Variants in ABAT observed in about 807,000 individuals in gnomAD.
ABAT encodes the protein 4-aminobutyrate aminotransferase, mitochondrial.
In ABAT, 45 loss-of-function variants were observed where a neutral mutation model predicts 64.6. The ratio of observed to expected loss-of-function variants is 0.70; its 90% CI spans 0.55 to 0.89. ABAT has a LOEUF of 0.89. Among genes scored for constraint, ABAT ranks in the 40% least tolerant of loss-of-function variants. The pLI is 0.00. For synonymous variants in ABAT, 297 were observed against 250.5 expected (o/e 1.19, Z -1.75); for missense variants, 633 against 658.4 (o/e 0.96, Z 0.42).
intron 2 of ABAT, among the ~76,000 whole-genome samples, chr16:8,743,748 T>A (rs1426872726): frequency 5.3e-5 from 8 of 149,702 alleles, no homozygotes; most frequent in Non-Finnish European, 4.4e-5. Flanking sequence ...ATTATATATA[T>A]GAAGATGAAA....
rs1247672824 is a variant in ABAT at position 8,783,412 on chromosome 16, T to C, written c.*1982T>C. The C allele has an allele frequency of 6.6e-6, 1 of 152,078 alleles. No individual in the cohort carries two copies. Among genetic ancestry groups the C allele is most frequent in the African/African-American group, 2.4e-5 (1 of 41,402 alleles). The allele number at this position is 152,078 out of a possible 1,614,324, so 9.4% of individuals were successfully genotyped here. The stretch of plus-strand genomic sequence containing the variant: ...CAGGAAATCGGATGGAGAACCACCA[T>C]TCACCCAAGGGTCAGAGGAGGTTTC... On this transcript the variant is annotated 3_prime_UTR_variant, in exon 16 of 16. Coordinates refer to ENST00000268251, the MANE Select transcript of ABAT (RefSeq NM_020686.6).
chr16:8,745,067 C>T (rs1323876189), intron 2 of ABAT, among the ~76,000 whole-genome samples: 2 of 152,082 alleles, frequency 1.3e-5, no homozygotes, highest in Admixed American at 6.6e-5. Context: ...ACTGCAGCCT[C>T]AACCTCTCAG....
At chr16:8,729,999 G>A (rs1033499273) in intron 1 of ABAT, among the ~76,000 whole-genome samples, 11 of 152,108 alleles carry the variant, frequency 7.2e-5, no homozygotes, top group African/African-American at 2.4e-4. Context: ...GAAGTGCAGA[G>A]CAGACACCCC....
chr16:8,710,715 A>AGGGAGAGG lies in ABAT; in HGVS notation c.-41-24983_-41-24982insGGAGAGGG, dbSNP rs1567279199. On this transcript the variant is annotated intron_variant, in intron 1 of 15. Transcript: ENST00000268251. ...GAGACAGAGAGAGAGAGAGAGAGAG[A>AGGGAGAGG]GAGAGAGAGAGAGAGGAAATAGGCT... Among the ~76,000 whole-genome samples the AGGGAGAGG allele has an allele frequency of 4.7e-5, 6 of 127,666 alleles. No homozygotes were observed. The East Asian group carries it at 1.4e-3, about 30-fold the overall frequency. The allele number at this position is 127,666 out of a possible 152,430, so 83.8% of individuals were successfully genotyped here.
chr16:8,718,536 G>A (rs926934725), intron 1 of ABAT, among the ~76,000 whole-genome samples: 1 of 152,138 alleles, frequency 6.6e-6, no homozygotes, highest in African/African-American at 2.4e-5. Context: ...AATTCAACAA[G>A]TGTTTTTGAG....
At chr16:8,690,536 T>A (rs1253248781) in intron 1 of ABAT, among the ~76,000 whole-genome samples, 1 of 152,220 alleles carries the variant, frequency 6.6e-6, no homozygotes, top group African/African-American at 2.4e-5. Context: ...TCATCAGGAA[T>A]TTTACGTACA....
intron 4 of ABAT, among the ~76,000 whole-genome samples, chr16:8,749,555 T>C (rs1290315077): frequency 6.6e-6 from 1 of 150,904 alleles, no homozygotes; most frequent in Non-Finnish European, 1.5e-5. Flanking sequence ...CCCGCCACTA[T>C]GCCCGGCTAA....
chr16:8,720,481 G>A lies in ABAT; in HGVS notation c.-41-15218G>A, dbSNP rs549215966. Among the ~76,000 whole-genome samples, 6 of 152,360 alleles carry A rather than the reference G, an allele frequency of 3.9e-5. No individual in the cohort carries two copies. In the South Asian group the frequency reaches 1.0e-3, roughly 26 times the overall value. On this transcript the variant is annotated intron_variant, in intron 1 of 15. Coordinates refer to ENST00000268251, the MANE Select transcript of ABAT (RefSeq NM_020686.6). ...ATGCCCAAGAGGCAGGTGATAGGAA[G>A]TCATGCCTGCAGGGAGAGAGGGCTG...
intron 5 of ABAT, among the ~76,000 whole-genome samples, chr16:8,754,607 C>T (rs1410645609): frequency 6.6e-6 from 1 of 152,120 alleles, no homozygotes; most frequent in Non-Finnish European, 1.5e-5. Context: ...CAGATTTCAG[C>T]TCGTTTCTCC....
At chr16:8,676,042 G>A (rs1567266413) in intron 1 of ABAT, among the ~76,000 whole-genome samples, 1 of 152,042 alleles carries the variant, frequency 6.6e-6, no homozygotes, top group Non-Finnish European at 1.5e-5. Flanking sequence ...ACCTGGGGGT[G>A]GGGAGGGGGT....
intron 5 of ABAT, 128 bp from the exon 6 acceptor site, chr16:8,757,629 T>A: frequency 1.9e-6 from 2 of 1,059,678 alleles, no homozygotes; most frequent in Non-Finnish European, 2.9e-6. Flanking sequence ...CAACAAAGGA[T>A]AAAAGACCCT....
chr16:8,688,539 C>CA (rs138056690), intron 1 of ABAT, among the ~76,000 whole-genome samples: 14,271 of 152,210 alleles, frequency 0.094, 760 homozygotes, highest in Middle Eastern at 0.16. Context: ...GTAAAACACT[C>CA]AAACACTGCA....
intron 1 of ABAT, among the ~76,000 whole-genome samples, chr16:8,734,862 T>C (rs1006343222): frequency 4.6e-5 from 7 of 151,668 alleles, no homozygotes; most frequent in African/African-American, 1.7e-4. Context: ...CAAGGAGAGA[T>C]GATAAAAGGA....
chr16:8,772,432 C>A (rs945176498), intron 11 of ABAT, among the ~76,000 whole-genome samples: 12 of 152,182 alleles, frequency 7.9e-5, no homozygotes, highest in African/African-American at 2.9e-4. Context: ...TCTGGCCCAG[C>A]AATCAACTCA....
At chr16:8,766,102 GA>G in intron 8 of ABAT, 105 bp from the exon 9 acceptor site, 1 of 1,064,328 alleles carries the variant, frequency 9.4e-7, no homozygotes, top group South Asian at 1.3e-5. Context: ...CCACTCCTGA[GA>G]AAGCACTTTC....
chr16:8,729,950 C>T (rs73499532), intron 1 of ABAT, among the ~76,000 whole-genome samples: 4,186 of 152,176 alleles, frequency 0.028, 140 homozygotes, highest in African/African-American at 0.077. Flanking sequence ...TCTATGCCCC[C>T]GCAGAGGAAT....
intron 13 of ABAT, among the ~76,000 whole-genome samples, chr16:8,775,477 A>T (rs976196887): frequency 1.3e-5 from 2 of 152,192 alleles, no homozygotes; most frequent in African/African-American, 4.8e-5. Flanking sequence ...AAGGTCACAC[A>T]GCCTGTTAAG....
chr16:8,677,354 G>A (rs1367601488), intron 1 of ABAT, among the ~76,000 whole-genome samples: 1 of 152,190 alleles, frequency 6.6e-6, no homozygotes, highest in African/African-American at 2.4e-5. Flanking sequence ...TGTCTTCCTA[G>A]AGAGACAGTG....
In ABAT at chr16:8,779,538, T is replaced by C; in HGVS notation, c.1329T>C (p.Asp443=). The part of the protein sequence containing the change: ...VRGRGTFCSF[D]TPDDSIRNKL... ...GACGAGGCACCTTTTGCTCCTTCGA[T>C]ACTCCCGATGATTCCATACGGAATA... Residue 443 remains aspartate (D), a synonymous_variant, in exon 15 of 16, where the codon GAT becomes GAC. Transcript: ENST00000268251. 3 of 1,614,216 alleles carry C rather than the reference T, an allele frequency of 1.9e-6. No homozygotes were observed. Among genetic ancestry groups the C allele is most frequent in the African/African-American group, 2.7e-5 (2 of 75,050 alleles).
Sources: gnomAD v4.1 joint callset for allele counts (sites outside exome capture counted in the v4.1 genomes callset) on GRCh38, gnomAD v4.1.1 for gene constraint, MANE v1.5 for transcripts, NCBI Gene and HGNC (gene_info 2026-07-23, HGNC 2026-07-21) for gene names.